The following FAM53A variants were observed in gnomAD, a reference collection of about 807,000 sequenced individuals.
The protein encoded by FAM53A is family with sequence similarity 53 member A.
Under a neutral mutation model 26.6 loss-of-function variants are expected in FAM53A, and 28 were observed. That is an observed-to-expected ratio of 1.05 (90% CI 0.78 to 1.45). FAM53A has a LOEUF of 1.45. FAM53A is among the 40% of genes most tolerant of loss of function. The probability of loss-of-function intolerance (pLI) is 0.00; values close to 1 mark genes in which losing one functional copy is unlikely to be tolerated. For missense variants in FAM53A, 650 were observed against 575.8 expected (o/e 1.13, Z -1.32); for synonymous variants, 290 against 253.1 (o/e 1.15, Z -1.38).
rs3860715 is a variant in FAM53A at position 1,657,435 on chromosome 4, C to A, written c.109G>T (p.Gly37Cys). Residue 37 changes from glycine to cysteine, a missense_variant, in exon 3 of 5, where the codon GGT becomes TGT. Transcript: ENST00000308132. ...QYSAETLNKS[G>C]RLFPLELNDQ... Reference sequence around the variant, plus strand: ...TTGAGCTCCAAAGGGAACAGACGACCGCTCTTGTTCAGGGTTTCCGCAGAA... The same window carrying A: ...TTGAGCTCCAAAGGGAACAGACGACAGCTCTTGTTCAGGGTTTCCGCAGAA... 1 of 1,613,558 alleles carries A rather than the reference C, an allele frequency of 6.2e-7. No individual in the cohort carries two copies. Among genetic ancestry groups the A allele is most frequent in the African/African-American group, 1.3e-5 (1 of 74,860 alleles).
rs375873373 is a variant in FAM53A, at chr4:1,657,681, A to G, written c.76-213T>C. ...TAGATGGAGTCTCGCACAGTCACCCAGGCTGGAGTGCAGTGGCGCGATCTC... is the reference window on the plus strand; with the variant it reads ...TAGATGGAGTCTCGCACAGTCACCCGGGCTGGAGTGCAGTGGCGCGATCTC... On this transcript the variant is annotated intron_variant, in intron 2 of 4. Coordinates refer to ENST00000308132, the MANE Select transcript of FAM53A (RefSeq NM_001174070.3). Among the ~76,000 whole-genome samples, 58 of 152,326 alleles carry G rather than the reference A, an allele frequency of 3.8e-4. 1 individual carries two copies. The East Asian group carries it at 6.9e-3, about 18-fold the overall frequency.
intron 1 of FAM53A, among the ~76,000 whole-genome samples, chr4:1,623,658 C>T (rs1441574403): frequency 6.6e-6 from 1 of 152,244 alleles, no homozygotes; most frequent in Non-Finnish European, 1.5e-5. Context: ...GGCGGCAGCT[C>T]ATCTGAATTC....
chr4:1,672,745 G>C (rs1689785681), intron 1 of FAM53A, among the ~76,000 whole-genome samples: 1 of 145,302 alleles, frequency 6.9e-6, no homozygotes, highest in Non-Finnish European at 1.5e-5. Context: ...CACAAACACA[G>C]GAACCTGAAT....
rs112912248 is a variant in FAM53A at position 1,625,220 on chromosome 4, C to T, written c.432-7109G>A. The stretch of plus-strand genomic sequence containing the variant: ...TCAGAAGGCCCCACGTCCCAGCCCA[C>T]GTGGTCAGGGTCACGCCAGGTGATC... On this transcript the variant is annotated intron_variant, in intron 1 of 1. Coordinates refer to the FAM53A transcript ENST00000489029. Among the ~76,000 whole-genome samples the T allele has an allele frequency of 1.0e-4, 4 of 39,776 alleles. No individual in the cohort carries two copies. In the East Asian group the frequency reaches 1.7e-3, roughly 17 times the overall value. The allele number at this position is 39,776 out of a possible 152,430, so 26.1% of individuals were successfully genotyped here. A position where few individuals can be genotyped will look rare whatever the true frequency, so the allele number is the denominator to read the frequency against.
At chr4:1,684,525 C>T (rs1382284434), upstream of FAM53A, among the ~76,000 whole-genome samples, 2 of 151,208 alleles carry the variant, frequency 1.3e-5, no homozygotes, top group African/African-American at 4.8e-5. Context: ...GGTCTGGCCC[C>T]GCCCCCGGAT....
Position 1,621,160 on chromosome 4 carries a change from T to C in FAM53A, c.432-3049A>G, listed in dbSNP as rs925536779. On this transcript the variant is annotated intron_variant, in intron 1 of 1. Coordinates refer to the FAM53A transcript ENST00000489029. ...CGCTGTCACCCAGGCTGGAGTGCAGTGGCACAATCTCGGCTCACTACAGGC... is the reference window on the plus strand; with the variant it reads ...CGCTGTCACCCAGGCTGGAGTGCAGCGGCACAATCTCGGCTCACTACAGGC... 4.2e-5 allele frequency among the ~76,000 whole-genome samples: 6 copies of C among 143,354 alleles called. No individual in the cohort carries two copies. In the South Asian group the frequency reaches 1.3e-3, roughly 32 times the overall value. The allele number at this position is 143,354 out of a possible 152,430, so 94.0% of individuals were successfully genotyped here.
At chr4:1,621,101 C>CTGTTTTTTTT (rs1715010523) in intron 1 of FAM53A, among the ~76,000 whole-genome samples, 2 of 95,488 alleles carry the variant, frequency 2.1e-5, no homozygotes, top group Non-Finnish European at 3.9e-5. Context: ...AGCTACGCTA[C>CTGTTTTTTTT]TTTTTTTTTT....
At chr4:1,644,103 CG>C in intron 4 of FAM53A, 2 of 1,470,460 alleles carry the variant, frequency 1.4e-6, no homozygotes, top group South Asian at 2.7e-5. Context: ...CTCTGGCTGC[CG>C]TGCTGCCCAC....
intron 2 of FAM53A, among the ~76,000 whole-genome samples, chr4:1,664,654 A>T (rs141226170): frequency 6.6e-6 from 1 of 152,192 alleles, no homozygotes; most frequent in Non-Finnish European, 1.5e-5. Context: ...TTTCCTCAAC[A>T]CAGGCAATCA....
At chr4:1,580,539 A>G in the FAM53A span, among the ~76,000 whole-genome samples, 2 of 8,702 alleles carry the variant, frequency 2.3e-4, no homozygotes, top group Admixed American at 1.3e-3. Flanking sequence ...CCCCGCCTCC[A>G]CTCAGGGAGC....
rs532732675 is a variant in FAM53A at position 1,674,894 on chromosome 4, G to A, written c.-164-5989C>T. ...GTCCCTCCCCCTTGGCAGTTCTGAGGCCAGTCTCCAGTCTGCGTGAGGGAA... is the reference window on the plus strand; with the variant it reads ...GTCCCTCCCCCTTGGCAGTTCTGAGACCAGTCTCCAGTCTGCGTGAGGGAA... On this transcript the variant is annotated intron_variant, in intron 1 of 4. Transcript: ENST00000308132. Among the ~76,000 whole-genome samples the A allele has an allele frequency of 9.2e-5, 14 of 152,300 alleles. No individual in the cohort carries two copies. The South Asian group carries it at 1.2e-3, about 14-fold the overall frequency.
intron 4 of FAM53A, among the ~76,000 whole-genome samples, chr4:1,652,435 AT>A (rs1712934550): frequency 7.1e-6 from 1 of 140,574 alleles, no homozygotes; most frequent in Non-Finnish European, 1.6e-5. Context: ...CACACCACAC[AT>A]CACACACACA....
Position 1,641,675 on chromosome 4 carries a change from C to T in FAM53A, c.883-68G>A, listed in dbSNP as rs111737949. ...CACACAGGAGGCAGCATCCCACCAA[C>T]CCATCGAGGGCTCGGTGTGCTGGGG... On this transcript the variant is annotated intron_variant, in intron 4 of 4. Coordinates refer to ENST00000308132, the MANE Select transcript of FAM53A (RefSeq NM_001174070.3). 1.8e-3 allele frequency: 2,740 copies of T among 1,538,802 alleles called. 51 individuals are homozygous for T. In the African/African-American group the frequency reaches 0.033, roughly 18 times the overall value.
chr4:1,598,380 G>A, the FAM53A span, among the ~76,000 whole-genome samples: 44 of 152,240 alleles, frequency 2.9e-4, no homozygotes, highest in Non-Finnish European at 4.9e-4. Flanking sequence ...ACGGACGGGA[G>A]CCAGGACCCC....
intron 1 of FAM53A, among the ~76,000 whole-genome samples, chr4:1,677,749 A>G (rs1328169530): frequency 6.6e-6 from 1 of 152,198 alleles, no homozygotes; most frequent in African/African-American, 2.4e-5. Flanking sequence ...CCCTGAGACC[A>G]GCCTGGCCAA....
At chr4:1,666,227 G>C (rs1034635475) in intron 2 of FAM53A, among the ~76,000 whole-genome samples, 3 of 127,534 alleles carry the variant, frequency 2.4e-5, no homozygotes, top group African/African-American at 9.2e-5. Flanking sequence ...TGCACCCCCT[G>C]TATCTAAAAT....
chr4:1,659,305 C>A lies in FAM53A; in HGVS notation c.76-1837G>T, dbSNP rs774034909. ...TTGAAGGCTTTCACGCCACAGGGAC[C>A]CTTGTTGCTGTCGATCCTCCCAGCC... On this transcript the variant is annotated intron_variant, in intron 2 of 4. Coordinates refer to ENST00000308132, the MANE Select transcript of FAM53A (RefSeq NM_001174070.3). The surrounding 1 kb of genome is among the most constrained non-coding windows in gnomAD (Gnocchi z 5.2). 5.3e-5 allele frequency among the ~76,000 whole-genome samples: 8 copies of A among 152,224 alleles called. No individual in the cohort carries two copies. Among genetic ancestry groups the A allele is most frequent in the Non-Finnish European group, 1.2e-4 (8 of 68,046 alleles).
chr4:1,666,415 C>T (rs1342963107), intron 2 of FAM53A, among the ~76,000 whole-genome samples: 3 of 152,072 alleles, frequency 2.0e-5, no homozygotes, highest in Non-Finnish European at 4.4e-5. Flanking sequence ...CACCTGTACC[C>T]CCCTGTATCT....
At chr4:1,643,284 G>A (rs1014612758) in intron 4 of FAM53A, among the ~76,000 whole-genome samples, 1 of 152,020 alleles carries the variant, frequency 6.6e-6, no homozygotes, top group Non-Finnish European at 1.5e-5. Flanking sequence ...GGCTAACACG[G>A]TGAAGCCCCG....
Sources: gnomAD v4.1 joint callset for allele counts (sites outside exome capture counted in the v4.1 genomes callset) on GRCh38, gnomAD v4.1.1 for gene constraint, Gnocchi (gnomAD v3.1) non-coding constraint, MANE v1.5 for transcripts, NCBI Gene and HGNC (gene_info 2026-07-23, HGNC 2026-07-21) for gene names.